The following RBFOX1 variants were observed in gnomAD, a reference collection of about 807,000 sequenced individuals.
RBFOX1 encodes the protein RNA binding protein fox-1 homolog 1.
RBFOX1 carries 8 observed loss-of-function variants against 57.7 expected under a neutral mutation model. That is an observed-to-expected ratio of 0.14 (90% CI 0.08 to 0.25). The LOEUF is 0.25. Among genes scored for constraint, RBFOX1 ranks in the 10% least tolerant of loss-of-function variants. The pLI is 1.00. For missense variants in RBFOX1, 611 were observed against 548.5 expected, an observed-to-expected ratio of 1.11 and a Z score of -1.14; for synonymous variants, 326 against 222.4, an observed-to-expected ratio of 1.47 and a Z score of -4.15.
intron 4 of RBFOX1, among the ~76,000 whole-genome samples, chr16:6,006,928 C>T (rs2094930886): frequency 6.6e-6 from 1 of 152,204 alleles, no homozygotes; most frequent in Non-Finnish European, 1.5e-5. Flanking sequence ...CATATTTTTT[C>T]TCCCATATCT....
chr16:7,078,019 C>A (rs551738382), intron 4 of RBFOX1, among the ~76,000 whole-genome samples: 2 of 152,166 alleles, frequency 1.3e-5, no homozygotes, highest in Non-Finnish European at 1.5e-5. Context: ...AGCATTACCT[C>A]CATCACTGCT....
intron 2 of RBFOX1, among the ~76,000 whole-genome samples, chr16:6,407,419 G>A (rs12446282): frequency 0.44 from 65,862 of 151,260 alleles, 15,061 homozygotes; most frequent in Non-Finnish European, 0.5. Context: ...GTGTATCTAT[G>A]CTTATATACT....
chr16:5,721,703 C>G (rs1341987580), intron 3 of RBFOX1, among the ~76,000 whole-genome samples: 1 of 152,244 alleles, frequency 6.6e-6, no homozygotes, highest in South Asian at 2.1e-4. Flanking sequence ...CAAATGCTTT[C>G]TCTGCATCTA....
At chr16:6,612,971 C>T (rs144947719) in intron 2 of RBFOX1, among the ~76,000 whole-genome samples, 78 of 151,616 alleles carry the variant, frequency 5.1e-4, no homozygotes, top group African/African-American at 1.8e-3. Context: ...AGTTCACGTG[C>T]CAAGTGAGAG....
chr16:6,478,572 G>C (rs993901367), intron 2 of RBFOX1, among the ~76,000 whole-genome samples: 1 of 150,912 alleles, frequency 6.6e-6, no homozygotes, highest in African/African-American at 2.4e-5. Context: ...AGCTTTAAAA[G>C]TGTCTTCGTC....
chr16:6,083,704 C>T (rs2096044055), intron 1 of RBFOX1, among the ~76,000 whole-genome samples: 1 of 152,006 alleles, frequency 6.6e-6, no homozygotes, highest in African/African-American at 2.4e-5. Context: ...CTCAAACTCC[C>T]AGGCTCATGC....
chr16:7,173,430 G>T (rs1297876459), intron 4 of RBFOX1, among the ~76,000 whole-genome samples: 5 of 152,186 alleles, frequency 3.3e-5, no homozygotes, highest in Non-Finnish European at 7.3e-5. Context: ...TGTGCATTCA[G>T]TGACTCTGAA....
chr16:7,386,808 C>G (rs926564036), intron 4 of RBFOX1, among the ~76,000 whole-genome samples: 1 of 152,150 alleles, frequency 6.6e-6, no homozygotes, highest in African/African-American at 2.4e-5. Flanking sequence ...GCCACACTGT[C>G]TTCCACAATG....
intron 5 of RBFOX1, among the ~76,000 whole-genome samples, chr16:7,540,471 G>T (rs2082627667): frequency 6.6e-6 from 1 of 152,110 alleles, no homozygotes; most frequent in African/African-American, 2.4e-5. Flanking sequence ...TATACAATTA[G>T]GATAATTAAA....
At chr16:7,079,337 A>C (rs765505826) in intron 4 of RBFOX1, among the ~76,000 whole-genome samples, 1 of 152,138 alleles carries the variant, frequency 6.6e-6, no homozygotes, top group East Asian at 1.9e-4. Context: ...GCATGTTCCT[A>C]AAAGAAGGGG....
At chr16:7,410,664 C>G (rs979890907) in intron 4 of RBFOX1, among the ~76,000 whole-genome samples, 4 of 150,084 alleles carry the variant, frequency 2.7e-5, no homozygotes, top group African/African-American at 9.7e-5. Flanking sequence ...ACAACAAGAG[C>G]AAAACTCTAT....
intron 5 of RBFOX1, among the ~76,000 whole-genome samples, chr16:7,532,202 C>T (rs74520774): frequency 0.054 from 8,180 of 150,776 alleles, 303 homozygotes; most frequent in South Asian, 0.13. Flanking sequence ...TGGGTTTCGT[C>T]CCCCCTCTTC....
chr16:6,413,698 G>T (rs2093538393), intron 2 of RBFOX1, among the ~76,000 whole-genome samples: 1 of 152,156 alleles, frequency 6.6e-6, no homozygotes, highest in South Asian at 2.1e-4. Context: ...AGGATCTTTT[G>T]ATGTGACTAC....
At chr16:6,351,739 T>C (rs974901780) in intron 2 of RBFOX1, among the ~76,000 whole-genome samples, 13 of 152,210 alleles carry the variant, frequency 8.5e-5, no homozygotes, top group Non-Finnish European at 1.9e-4. Context: ...TATGCATACA[T>C]ATATGTTTGA....
intron 1 of RBFOX1, among the ~76,000 whole-genome samples, chr16:6,226,108 C>A (rs1185010706): frequency 6.6e-6 from 1 of 151,398 alleles, no homozygotes; most frequent in African/African-American, 2.4e-5. Flanking sequence ...GCCTGTAATC[C>A]CAGCACTTTG....
intron 2 of RBFOX1, among the ~76,000 whole-genome samples, chr16:5,566,576 A>ATATATATGTATATATGTGTG (rs2046076796): frequency 2.0e-5 from 3 of 151,442 alleles, no homozygotes; most frequent in African/African-American, 7.3e-5. Flanking sequence ...AGTTATATAT[A>ATATATATGTATATATGTGTG]TATATATGTA....
chr16:7,643,960 A>G (rs2063289562), intron 11 of RBFOX1, among the ~76,000 whole-genome samples: 1 of 152,164 alleles, frequency 6.6e-6, no homozygotes, highest in Non-Finnish European at 1.5e-5. Flanking sequence ...AAATTAACCC[A>G]GTCTATGATG....
intron 2 of RBFOX1, among the ~76,000 whole-genome samples, chr16:6,545,711 G>C (rs1201762680): frequency 6.6e-6 from 1 of 152,168 alleles, no homozygotes; most frequent in Non-Finnish European, 1.5e-5. Context: ...TGAATAAAAG[G>C]TGCTTCAAAC....
At chr16:6,170,648 A>C (rs1047382052) in intron 1 of RBFOX1, among the ~76,000 whole-genome samples, 5 of 152,158 alleles carry the variant, frequency 3.3e-5, no homozygotes, top group African/African-American at 1.2e-4. Context: ...TTATTTAGGT[A>C]AACCCGTGTC....
Sources: allele counts gnomAD v4.1 joint callset (sites outside exome capture counted in the v4.1 genomes callset), GRCh38; gene constraint gnomAD v4.1.1; transcripts MANE v1.5; gene names NCBI Gene and HGNC (gene_info 2026-07-23, HGNC 2026-07-21).